Variants in PVT1 observed in about 807,000 individuals in gnomAD.
PVT1 encodes CXCR4/PVT1 fusion.
Position 127,937,580 on chromosome 8 carries a change from C to CACACACACACACACACACAG in PVT1, n.782+46583_782+46584insCACACACACACACACACAGA, listed in dbSNP as rs59006608. On this transcript the variant is annotated intron_variant and non_coding_transcript_variant, in intron 3 of 10. Coordinates refer to ENST00000651587, the Ensembl canonical transcript of PVT1. The stretch of plus-strand genomic sequence containing the variant: ...ACACACACACACACACACACACACA[C>CACACACACACACACACACAG]AGAGAGAGAGAGAGAGAGAGAGAGA... Among the ~76,000 whole-genome samples, 146 of 107,846 alleles carry CACACACACACACACACACAG rather than the reference C, an allele frequency of 1.4e-3. 1 individual carries two copies. The highest frequency in any genetic ancestry group is 3.7e-3 in the African/African-American group (101 of 26,990). The allele number at this position is 107,846 out of a possible 152,430, so 70.8% of individuals were successfully genotyped here.
intron 2 of PVT1, among the ~76,000 whole-genome samples, chr8:127,836,449 G>A (rs1230158783): frequency 8.5e-5 from 13 of 152,056 alleles, no homozygotes; most frequent in Non-Finnish European, 1.6e-4. Context: ...TTCTATGAAA[G>A]GTGAGCAAAT....
intron 3 of PVT1, among the ~76,000 whole-genome samples, chr8:127,912,240 A>G (rs1815907430): frequency 6.6e-6 from 1 of 152,186 alleles, no homozygotes; most frequent in Admixed American, 6.5e-5. Context: ...GTTGAATGTT[A>G]TAGAATAATA....
At chr8:127,833,828 C>T (rs1244997662) in intron 2 of PVT1, among the ~76,000 whole-genome samples, 2 of 152,168 alleles carry the variant, frequency 1.3e-5, no homozygotes, top group East Asian at 3.9e-4. Context: ...CCATTGTTTT[C>T]TAGTTAATAT....
chr8:128,072,122 G>T (rs1029732227), intron 5 of PVT1, among the ~76,000 whole-genome samples: 1 of 152,170 alleles, frequency 6.6e-6, no homozygotes, highest in Non-Finnish European at 1.5e-5. Flanking sequence ...TTATTAAGTA[G>T]CAGGGCCATG....
intron 3 of PVT1, among the ~76,000 whole-genome samples, chr8:127,960,945 G>T (rs1451393445): frequency 7.6e-6 from 1 of 130,760 alleles, no homozygotes; most frequent in Non-Finnish European, 1.6e-5. Flanking sequence ...TTTGGGGGTG[G>T]GGGGGGCGGG....
In PVT1 at chr8:127,898,604, A is replaced by G. The variant is rs1815716660; in HGVS notation, n.782+7606A>G. On this transcript the variant is annotated intron_variant and non_coding_transcript_variant, in intron 3 of 10. Coordinates refer to ENST00000651587, the Ensembl canonical transcript of PVT1. The surrounding 1 kb of genome is among the most constrained non-coding windows in gnomAD (Gnocchi z 4.4). Reference sequence around the variant, plus strand: ...ACTAGACTGGAGCCAACCATGGCCCATTGCTGAGACTCTGGGCCTCAGGGT... The same window carrying G: ...ACTAGACTGGAGCCAACCATGGCCCGTTGCTGAGACTCTGGGCCTCAGGGT... Among the ~76,000 whole-genome samples, 1 of 152,188 alleles carries G rather than the reference A, an allele frequency of 6.6e-6. No individual in the cohort carries two copies. The highest frequency in any genetic ancestry group is 2.1e-4 in the South Asian group (1 of 4,828).
At chr8:127,811,128 A>G (rs949123313) in intron 2 of PVT1, among the ~76,000 whole-genome samples, 1 of 152,078 alleles carries the variant, frequency 6.6e-6, no homozygotes, top group Non-Finnish European at 1.5e-5. Context: ...ACTGTTAGAG[A>G]GAGGTTGCTA....
intron 5 of PVT1, among the ~76,000 whole-genome samples, chr8:128,082,393 G>A (rs779032673): frequency 4.6e-5 from 7 of 152,158 alleles, no homozygotes; most frequent in South Asian, 2.1e-4. Context: ...ACCTGCATTC[G>A]TATTCTGGAG....
chr8:127,880,288 T>A (rs568455843), intron 2 of PVT1, among the ~76,000 whole-genome samples: 1 of 152,226 alleles, frequency 6.6e-6, no homozygotes, highest in East Asian at 1.9e-4. Context: ...ACTATTCCAG[T>A]CAACAATTCC....
chr8:127,952,673 C>T (rs1274555801), intron 3 of PVT1, among the ~76,000 whole-genome samples: 3 of 152,226 alleles, frequency 2.0e-5, no homozygotes, highest in Non-Finnish European at 2.9e-5. Context: ...TATGTGCCCT[C>T]ATTTTCCGAT....
chr8:128,028,353 C>T (rs1813344871), intron 4 of PVT1, among the ~76,000 whole-genome samples: 1 of 152,236 alleles, frequency 6.6e-6, no homozygotes, highest in African/African-American at 2.4e-5. Flanking sequence ...GGGCCACAGG[C>T]TGGGGCTGTT....
intron 5 of PVT1, among the ~76,000 whole-genome samples, chr8:128,085,707 A>T (rs1814247735): frequency 2.0e-5 from 3 of 152,238 alleles, no homozygotes; most frequent in Admixed American, 2.0e-4. Context: ...GCTTCCAATT[A>T]AACTACTGCA....
At chr8:128,089,143 A>C (rs901486960) in intron 5 of PVT1, among the ~76,000 whole-genome samples, 12 of 152,346 alleles carry the variant, frequency 7.9e-5, no homozygotes, top group Admixed American at 7.8e-4. Context: ...AGCACAGCCA[A>C]AACTGATCTG....
intron 3 of PVT1, among the ~76,000 whole-genome samples, chr8:127,970,530 G>T (rs907423954): frequency 6.6e-6 from 1 of 151,620 alleles, no homozygotes; most frequent in Non-Finnish European, 1.5e-5. Flanking sequence ...TGATCTTCTG[G>T]CCTCGTGATC....
At chr8:127,867,279 C>A (rs1360079083) in intron 2 of PVT1, among the ~76,000 whole-genome samples, 2 of 152,344 alleles carry the variant, frequency 1.3e-5, no homozygotes, top group African/African-American at 4.8e-5. Context: ...AGGAGGGGTC[C>A]AAGCCGCCAC....
At chr8:128,036,649 C>T (rs1300050095) in intron 4 of PVT1, among the ~76,000 whole-genome samples, 1 of 152,126 alleles carries the variant, frequency 6.6e-6, no homozygotes, top group Non-Finnish European at 1.5e-5. Flanking sequence ...TCACAGGCAG[C>T]CTTAGTTTTA....
At chr8:128,038,199 G>T (rs538955891) in intron 4 of PVT1, among the ~76,000 whole-genome samples, 1 of 152,246 alleles carries the variant, frequency 6.6e-6, no homozygotes, top group South Asian at 2.1e-4. Flanking sequence ...GATTGGAATC[G>T]CTGGTATAAA....
At chr8:127,988,323 G>A (rs558560445) in intron 3 of PVT1, among the ~76,000 whole-genome samples, 33 of 152,262 alleles carry the variant, frequency 2.2e-4, no homozygotes, top group African/African-American at 7.7e-4. Flanking sequence ...TGAGGATGGT[G>A]GGGGGGCCTG....
chr8:127,856,179 G>A (rs1484638009), intron 2 of PVT1, among the ~76,000 whole-genome samples: 3 of 152,076 alleles, frequency 2.0e-5, no homozygotes, highest in African/African-American at 7.2e-5. Flanking sequence ...GAAAGGATGA[G>A]TGTCCTTTTG....
Sources: gnomAD v4.1 joint callset for allele counts (sites outside exome capture counted in the v4.1 genomes callset) on GRCh38, gnomAD v4.1.1 for gene constraint, Gnocchi (gnomAD v3.1) non-coding constraint, MANE v1.5 for transcripts, NCBI Gene and HGNC (gene_info 2026-07-23, HGNC 2026-07-21) for gene names.